PHF24: variants seen among roughly 807,000 people sequenced by gnomAD.
PHF24 encodes PHD finger protein 24, also known as Galpha inhibitory interacting protein.
A neutral mutation model predicts 42.6 loss-of-function variants in PHF24; 25 were observed. The observed-to-expected ratio is 0.59, with a 90% CI of 0.43 to 0.82. The LOEUF (loss-of-function observed/expected upper bound fraction) is 0.82. Among genes scored for constraint, PHF24 ranks in the 40% least tolerant of loss-of-function variants. PHF24 has a pLI of 0.00. For synonymous variants in PHF24, 185 were observed against 204.8 expected, an observed-to-expected ratio of 0.90 and a Z score of 0.83; for missense variants, 470 against 538.1, an observed-to-expected ratio of 0.87 and a Z score of 1.25.
the PHF24 span, chr9:34,725,786 G>A: frequency 6.5e-7 from 1 of 1,548,526 alleles, no homozygotes; most frequent in African/African-American, 1.4e-5. Context: ...GGCTGACTGG[G>A]GTGAAGTTTT....
chr9:34,709,622 C>T, the PHF24 span: 5 of 1,614,176 alleles, frequency 3.1e-6, no homozygotes, highest in Non-Finnish European at 1.7e-6. Flanking sequence ...TCAGCTGCTG[C>T]ACCCAGAGCT....
At chr9:34,735,677 T>C in the PHF24 span, among the ~76,000 whole-genome samples, 1 of 151,656 alleles carries the variant, frequency 6.6e-6, no homozygotes, top group Admixed American at 6.6e-5. Flanking sequence ...CAGATGCCTG[T>C]AATCCCAGCT....
upstream of PHF24, chr9:34,958,226 G>GCGCCGCCGCCGCCGCCGCCGCCGC (rs1240549939): frequency 9.3e-5 from 14 of 150,270 alleles, no homozygotes; most frequent in African/African-American, 3.6e-4. This position sits in a 1 kb window ranked among gnomAD's most constrained non-coding sequence, Gnocchi z 4.5. Flanking sequence ...CCGGCCGCGC[G>GCGCCGCCGCCGCCGCCGCCGCCGC]CGCCGCCGCC....
the PHF24 span, among the ~76,000 whole-genome samples, chr9:34,853,900 T>C: frequency 6.6e-6 from 1 of 151,918 alleles, no homozygotes; most frequent in Non-Finnish European, 1.5e-5. Flanking sequence ...TGTAAATCTG[T>C]CTGGTCCTGA....
the PHF24 span, among the ~76,000 whole-genome samples, chr9:34,719,371 A>T: frequency 6.6e-6 from 1 of 152,262 alleles, no homozygotes; most frequent in South Asian, 2.1e-4. Context: ...TGTACTCTAC[A>T]TGTGAATTTT....
chr9:34,833,043 T>G, the PHF24 span: 16 of 1,551,136 alleles, frequency 1.0e-5, no homozygotes, highest in Non-Finnish European at 1.2e-5. Context: ...TTTGGAAGCA[T>G]CCCTGCTGGC....
the PHF24 span, chr9:34,691,299 A>G: frequency 1.9e-6 from 1 of 530,362 alleles, no homozygotes; most frequent in Non-Finnish European, 3.4e-6. Context: ...GCTGACTCCT[A>G]TTTATGGCCA....
chr9:34,674,168 A>G, the PHF24 span, among the ~76,000 whole-genome samples: 6 of 152,356 alleles, frequency 3.9e-5, no homozygotes, highest in South Asian at 1.2e-3. Context: ...TATTATCCCT[A>G]TTATACAGAT....
chr9:34,732,025 ATT>A, the PHF24 span, among the ~76,000 whole-genome samples: 205 of 134,452 alleles, frequency 1.5e-3, no homozygotes, highest in East Asian at 1.5e-3. Context: ...TAATTTTTGG[ATT>A]TTTTTTTTTT....
the PHF24 span, among the ~76,000 whole-genome samples, chr9:34,794,456 G>T: frequency 6.6e-6 from 1 of 152,254 alleles, no homozygotes; most frequent in South Asian, 2.1e-4. Flanking sequence ...ACCAGGAAAA[G>T]CTCAACTTGC....
At position 34,975,410 on chromosome 9, in the gene PHF24, C is replaced by A. The variant is rs142050707; in HGVS notation, c.565-742C>A. ...TGGAAGAAAAAGAATGGTTTGAGTT[C>A]TTTATGAAATCCACGTATGAATACT... On this transcript the variant is annotated intron_variant, in intron 3 of 7. Coordinates refer to ENST00000242315, the Ensembl canonical transcript of PHF24. Among the ~76,000 whole-genome samples the A allele has an allele frequency of 2.0e-5, 3 of 152,146 alleles. No individual in the cohort carries two copies. The East Asian group carries it at 5.8e-4, about 29-fold the overall frequency.
the PHF24 span, among the ~76,000 whole-genome samples, chr9:34,688,350 C>T: frequency 6.6e-6 from 1 of 152,316 alleles, no homozygotes; most frequent in East Asian, 1.9e-4. Context: ...CCTGCTTCCC[C>T]AGGAGACTTC....
the PHF24 span, among the ~76,000 whole-genome samples, chr9:34,863,415 CAGAGAGAGAGAGAGAGAGAG>C: frequency 7.9e-3 from 1,166 of 147,070 alleles, 9 homozygotes; most frequent in South Asian, 0.018. Flanking sequence ...GCTGGCTCAT[CAGAGAGAGAGAGAGAGAGAG>C]AGAGAGAGAG....
chr9:34,798,429 A>T, the PHF24 span, among the ~76,000 whole-genome samples: 54,441 of 152,062 alleles, frequency 0.36, 9,934 homozygotes, highest in East Asian at 0.56. Flanking sequence ...TGTGTACTCA[A>T]TGTTTAGCAC....
chr9:34,919,229 A>G, the PHF24 span, among the ~76,000 whole-genome samples: 1 of 152,226 alleles, frequency 6.6e-6, no homozygotes, highest in African/African-American at 2.4e-5. Context: ...TGATAAAAGC[A>G]TACAATGTGT....
the PHF24 span, among the ~76,000 whole-genome samples, chr9:34,745,906 A>C: frequency 6.6e-6 from 1 of 152,078 alleles, no homozygotes; most frequent in South Asian, 2.1e-4. Context: ...ACCTCAACAA[A>C]AGTTTGATAA....
the PHF24 span, among the ~76,000 whole-genome samples, chr9:34,767,211 C>A: frequency 6.6e-6 from 1 of 152,232 alleles, no homozygotes; most frequent in Non-Finnish European, 1.5e-5. Context: ...TGCATGCTGG[C>A]AGAACCACTG....
chr9:34,936,386 G>C, the PHF24 span, among the ~76,000 whole-genome samples: 7 of 152,224 alleles, frequency 4.6e-5, no homozygotes, highest in Non-Finnish European at 1.0e-4. Flanking sequence ...TGGTGCCCAG[G>C]CTGGAATGCA....
At chr9:34,825,009 G>A in the PHF24 span, among the ~76,000 whole-genome samples, 2 of 152,190 alleles carry the variant, frequency 1.3e-5, no homozygotes. Context: ...AGGTGTGGTC[G>A]ATAGGGGTGG....
Sources: allele counts gnomAD v4.1 joint callset (sites outside exome capture counted in the v4.1 genomes callset), GRCh38; gene constraint gnomAD v4.1.1; non-coding constraint Gnocchi (gnomAD v3.1); transcripts MANE v1.5; gene names NCBI Gene and HGNC (gene_info 2026-07-23, HGNC 2026-07-21).